The following FTO variants were observed in gnomAD, a reference collection of about 807,000 sequenced individuals.
The protein encoded by FTO is FTO alpha-ketoglutarate dependent dioxygenase.
FTO carries 47 observed loss-of-function variants against 63.9 expected under a neutral mutation model. The ratio of observed to expected loss-of-function variants is 0.74; its 90% confidence interval spans 0.58 to 0.94. The LOEUF (loss-of-function observed/expected upper bound fraction) is 0.94, where lower values mean the gene tolerates loss of function less well. Among genes scored for constraint, FTO ranks in the 40% least tolerant of loss-of-function variants. The probability of loss-of-function intolerance (pLI) is 0.00; values close to 1 mark genes in which losing one functional copy is unlikely to be tolerated. For missense variants in FTO, 562 were observed against 618.1 expected (o/e 0.91, Z 0.96); for synonymous variants, 207 against 224.4 (o/e 0.92, Z 0.69).
chr16:53,762,511 A>G (rs912066638), intron 1 of FTO, among the ~76,000 whole-genome samples: 1 of 152,152 alleles, frequency 6.6e-6, no homozygotes, highest in African/African-American at 2.4e-5. Context: ...TAGAGGCTTG[A>G]TCAGACAATA....
At chr16:53,828,488 T>G (rs1209131599) in intron 3 of FTO, among the ~76,000 whole-genome samples, 1 of 152,170 alleles carries the variant, frequency 6.6e-6, no homozygotes, top group Non-Finnish European at 1.5e-5. Flanking sequence ...ATTACAGGCT[T>G]GAGCCACCAT....
chr16:53,944,051 C>T (rs927865454), intron 8 of FTO, among the ~76,000 whole-genome samples: 2 of 152,148 alleles, frequency 1.3e-5, no homozygotes, highest in Non-Finnish European at 2.9e-5. Context: ...TGGGGGATTA[C>T]CTGTGATAAT....
chr16:53,969,131 G>A (rs148021717), intron 8 of FTO, among the ~76,000 whole-genome samples: 18 of 152,242 alleles, frequency 1.2e-4, no homozygotes, highest in African/African-American at 4.3e-4. Flanking sequence ...AATTCTCAAA[G>A]CCTTTTAAAA....
At chr16:54,111,679 C>T (rs1457805333) in intron 8 of FTO, 83 bp from the exon 9 acceptor site, 2 of 1,416,510 alleles carry the variant, frequency 1.4e-6, no homozygotes. Context: ...GAGCATTGGC[C>T]AGTGTTGCTC....
intron 4 of FTO, among the ~76,000 whole-genome samples, chr16:53,862,858 C>T (rs943401246): frequency 6.6e-6 from 1 of 152,100 alleles, no homozygotes; most frequent in African/African-American, 2.4e-5. Flanking sequence ...ATTTTACTTC[C>T]ATTCTGTGAT....
At chr16:53,873,894 C>T in intron 5 of FTO, 29 bp downstream of exon 5, 5 of 1,501,616 alleles carry the variant, frequency 3.3e-6, no homozygotes, top group African/African-American at 1.4e-5. Context: ...GTGATTCACA[C>T]CTAATTGGAT....
chr16:54,055,372 G>A (rs761159649), intron 8 of FTO, among the ~76,000 whole-genome samples: 9 of 152,200 alleles, frequency 5.9e-5, no homozygotes, highest in Non-Finnish European at 1.0e-4. Context: ...AAAAGAAAGT[G>A]GAAAAGCAGT....
chr16:53,901,308 A>G (rs949188149), intron 7 of FTO, among the ~76,000 whole-genome samples: 1 of 152,166 alleles, frequency 6.6e-6, no homozygotes, highest in Non-Finnish European at 1.5e-5. Context: ...TGAACCACTT[A>G]TGATTCTCTT....
intron 8 of FTO, among the ~76,000 whole-genome samples, chr16:54,002,866 A>G (rs2084100228): frequency 6.6e-6 from 1 of 152,188 alleles, no homozygotes; most frequent in Non-Finnish European, 1.5e-5. Context: ...CCTTTTTAAA[A>G]GTTAAATATA....
chr16:54,096,038 G>T (rs1453370974), intron 8 of FTO, among the ~76,000 whole-genome samples: 1 of 152,152 alleles, frequency 6.6e-6, no homozygotes, highest in East Asian at 1.9e-4. Context: ...GCATGTAAGC[G>T]CCACAAAACC....
At chr16:53,812,269 T>A (rs1317697338) in intron 2 of FTO, among the ~76,000 whole-genome samples, 1 of 151,950 alleles carries the variant, frequency 6.6e-6, no homozygotes, top group African/African-American at 2.4e-5. Flanking sequence ...TAATCTCACT[T>A]AATTTTTTTT....
At chr16:53,736,573 T>G (rs2076395415) in intron 1 of FTO, among the ~76,000 whole-genome samples, 1 of 152,208 alleles carries the variant, frequency 6.6e-6, no homozygotes, top group African/African-American at 2.4e-5. Context: ...AAATACCTCC[T>G]TCCAGCACAG....
At chr16:53,713,572 T>C (rs1341460367) in intron 1 of FTO, among the ~76,000 whole-genome samples, 4 of 152,158 alleles carry the variant, frequency 2.6e-5, no homozygotes, top group Admixed American at 2.6e-4. Flanking sequence ...ATTCCTTGGG[T>C]TGGATTAGAA....
At chr16:54,032,035 G>A (rs1567528849) in intron 8 of FTO, among the ~76,000 whole-genome samples, 2 of 152,154 alleles carry the variant, frequency 1.3e-5, no homozygotes, top group Admixed American at 1.3e-4. Flanking sequence ...TCAAAAGATG[G>A]CTCCATTCTG....
Position 54,120,133 on chromosome 16 carries a change from T to C in FTO, c.*8218T>C, listed in dbSNP as rs550893668. On this transcript the variant is annotated 3_prime_UTR_variant, in exon 9 of 9. Transcript: ENST00000471389. ...GCATGAAGCCCAGCTGAGGCCAAAA[T>C]CAAAGTGAATTTGACAGCCTTGGGC... 19 of 152,314 alleles carry C rather than the reference T, an allele frequency of 1.2e-4. No individual in the cohort carries two copies. The highest frequency in any genetic ancestry group is 2.6e-4 in the Non-Finnish European group (18 of 68,054). The allele number at this position is 152,314 out of a possible 1,614,324, so 9.4% of individuals were successfully genotyped here. A position where few individuals can be genotyped will look rare whatever the true frequency, so the allele number is the denominator to read the frequency against.
chr16:54,121,934 T>G lies in FTO; in HGVS notation c.*10019T>G, dbSNP rs1457060219. 2.0e-5 allele frequency: 3 copies of G among 152,074 alleles called. No individual in the cohort carries two copies. Among genetic ancestry groups the G allele is most frequent in the African/African-American group, 7.2e-5 (3 of 41,390 alleles). The allele number at this position is 152,074 out of a possible 1,614,324, so 9.4% of individuals were successfully genotyped here. On this transcript the variant is annotated 3_prime_UTR_variant, in exon 9 of 9. Coordinates refer to ENST00000471389, the MANE Select transcript of FTO (RefSeq NM_001080432.3). ...CCACAAAAATTAAAAATAAAAAAAT[T>G]GAAATCACTCATTTATGCTTGGTGT...
intron 3 of FTO, among the ~76,000 whole-genome samples, chr16:53,842,049 C>G (rs1186013613): frequency 2.6e-5 from 4 of 152,236 alleles, no homozygotes; most frequent in Admixed American, 1.3e-4. Flanking sequence ...TCCAAATTAA[C>G]ATTTTCTTTC....
chr16:53,894,086 A>G lies in FTO; in HGVS notation c.1239+5135A>G, dbSNP rs1283185986. 2.6e-5 allele frequency among the ~76,000 whole-genome samples: 4 copies of G among 152,240 alleles called. No homozygotes were observed. In the East Asian group the frequency reaches 7.7e-4, roughly 29 times the overall value. ...GAGCAGAGACATGTGGAAAATGAGT[A>G]GGTGTTTTATTTAATAATGTAACCA... On this transcript the variant is annotated intron_variant, in intron 7 of 8. Coordinates refer to ENST00000471389, the MANE Select transcript of FTO (RefSeq NM_001080432.3).
intron 8 of FTO, among the ~76,000 whole-genome samples, chr16:54,000,730 A>G (rs1328766572): frequency 6.6e-6 from 1 of 152,230 alleles, no homozygotes. Flanking sequence ...GGTATGTCTC[A>G]GACAACACGA....
Sources: allele counts gnomAD v4.1 joint callset (sites outside exome capture counted in the v4.1 genomes callset), GRCh38; gene constraint gnomAD v4.1.1; transcripts MANE v1.5; gene names NCBI Gene and HGNC (gene_info 2026-07-23, HGNC 2026-07-21).